FAM13B: variants seen among roughly 807,000 people sequenced by gnomAD.
The protein encoded by FAM13B is family with sequence similarity 13 member B.
Under a neutral mutation model 117.3 loss-of-function variants are expected in FAM13B, and 60 were observed. The ratio of observed to expected loss-of-function variants is 0.51; its 90% CI spans 0.42 to 0.63. The LOEUF is 0.63. FAM13B is among the 30% of genes least tolerant of loss of function. The pLI, the probability that FAM13B is intolerant of heterozygous loss-of-function variation, is 0.00. For synonymous variants in FAM13B, 332 were observed against 356.1 expected (o/e 0.93, Z 0.76); for missense variants, 972 against 1,091.9 (o/e 0.89, Z 1.55).
At chr5:138,028,756 G>A (rs1213070825) in intron 1 of FAM13B, among the ~76,000 whole-genome samples, 1 of 152,204 alleles carries the variant, frequency 6.6e-6, no homozygotes, top group Non-Finnish European at 1.5e-5. Context: ...AGTGGCTCAC[G>A]CCTATAAATG....
chr5:137,984,086 C>T (rs62381757), intron 10 of FAM13B, among the ~76,000 whole-genome samples: 3,614 of 152,204 alleles, frequency 0.024, 61 homozygotes, highest in Non-Finnish European at 0.038. Flanking sequence ...GTGACAGTGA[C>T]AATAATTTAG....
chr5:137,970,696 G>A (rs907767507), intron 10 of FAM13B, among the ~76,000 whole-genome samples: 4 of 152,174 alleles, frequency 2.6e-5, no homozygotes, highest in Non-Finnish European at 5.9e-5. Context: ...ACCCATCAGT[G>A]TGCTGTATTC....
intron 12 of FAM13B, 145 bp from the exon 13 acceptor site, chr5:137,959,908 A>G: frequency 1.3e-6 from 1 of 760,604 alleles, no homozygotes; most frequent in Non-Finnish European, 2.1e-6. Flanking sequence ...TGTGCAAACT[A>G]TTTTCAAATA....
At chr5:138,036,355 A>G (rs1435390979), upstream of FAM13B, 4 of 456,112 alleles carry the variant, frequency 8.8e-6, no homozygotes, top group Admixed American at 4.7e-5. Flanking sequence ...GGAAGCTCTC[A>G]GGCACCTCTT....
chr5:138,004,296 TA>T (rs1217629745), intron 7 of FAM13B, among the ~76,000 whole-genome samples: 4 of 151,618 alleles, frequency 2.6e-5, no homozygotes, highest in Non-Finnish European at 5.9e-5. Context: ...TGACAACCAC[TA>T]AATCTCCAAT....
intron 10 of FAM13B, among the ~76,000 whole-genome samples, chr5:137,969,648 G>A (rs1034574953): frequency 1.6e-4 from 25 of 152,178 alleles, no homozygotes; most frequent in Middle Eastern, 3.2e-3. Context: ...GGCTTCAGAC[G>A]ATCAAACTAC....
intron 1 of FAM13B, among the ~76,000 whole-genome samples, chr5:138,032,168 A>G (rs981315509): frequency 1.3e-5 from 2 of 152,194 alleles, no homozygotes; most frequent in Admixed American, 6.5e-5. Flanking sequence ...CATCTAGGAA[A>G]CCAGGCGTGC....
intron 7 of FAM13B, 25 bp from the exon 8 acceptor site, chr5:137,988,340 T>C: frequency 6.4e-7 from 1 of 1,550,574 alleles, no homozygotes; most frequent in Admixed American, 2.2e-5. Context: ...AGAAATTAGC[T>C]ATAAAAATGT....
chr5:137,990,328 C>G (rs949267048), intron 7 of FAM13B, among the ~76,000 whole-genome samples: 1 of 152,198 alleles, frequency 6.6e-6, no homozygotes, highest in African/African-American at 2.4e-5. Context: ...AAATTGAACA[C>G]TCTTAGCCAT....
chr5:137,941,856 C>A, intron 23 of FAM13B, 88 bp downstream of exon 23: 1 of 1,127,302 alleles, frequency 8.9e-7, no homozygotes, highest in African/African-American at 1.6e-5. Context: ...TGCACAATTT[C>A]TAATCCCACG....
chr5:138,019,028 C>G lies in FAM13B; in HGVS notation c.84G>C (p.Leu28=). Residue 28 remains leucine (L), a synonymous_variant, in exon 3 of 24, where the codon CTG becomes CTC. Transcript: ENST00000689681. ...NKIFGIPLDE[L]QQGGHPDNEV... is the part of the protein sequence containing the mutation. ...CATTGTCTGGATGTCCTCCCTGCTG[C>G]AGCTCATCAAGTGGAATTCCAAATA... 1 of 1,613,736 alleles carries G rather than the reference C, an allele frequency of 6.2e-7. No homozygotes were observed. Among genetic ancestry groups the G allele is most frequent in the Non-Finnish European group, 8.5e-7 (1 of 1,179,882 alleles).
At chr5:137,961,057 A>T (rs1301725345) in intron 11 of FAM13B, among the ~76,000 whole-genome samples, 1 of 152,164 alleles carries the variant, frequency 6.6e-6, no homozygotes, top group Non-Finnish European at 1.5e-5. Context: ...ACAGATAATT[A>T]CCTTATTCTT....
chr5:137,946,363 A>C (rs1490528297), intron 18 of FAM13B, 52 bp from the exon 19 acceptor site: 2 of 1,234,076 alleles, frequency 1.6e-6, no homozygotes, highest in East Asian at 2.4e-5. Context: ...AAACAAAAAC[A>C]AAAAAACTCC....
rs948444651 is a variant in FAM13B at position 137,953,596 on chromosome 5, C to T, written c.1719-131G>A. The T allele has an allele frequency of 1.3e-5, 11 of 872,264 alleles. No individual in the cohort carries two copies. In the African/African-American group the frequency reaches 1.7e-4, roughly 13 times the overall value. The allele number at this position is 872,264 out of a possible 1,614,324, so 54.0% of individuals were successfully genotyped here. On this transcript the variant is annotated intron_variant, in intron 15 of 23. Transcript: ENST00000689681. ...AAAATAAGTCCCTAACACTAAAGGA[C>T]AGGTAGTATAAAGAAACACTGTAAT...
intron 6 of FAM13B, among the ~76,000 whole-genome samples, chr5:138,009,531 G>A (rs1223228256): frequency 6.6e-6 from 1 of 152,098 alleles, no homozygotes; most frequent in Non-Finnish European, 1.5e-5. Flanking sequence ...GGGACCAGGT[G>A]CAGTGGCTCA....
At chr5:138,032,558 AC>A (rs1050554169) in intron 1 of FAM13B, among the ~76,000 whole-genome samples, 4 of 151,720 alleles carry the variant, frequency 2.6e-5, no homozygotes, top group Non-Finnish European at 2.9e-5. Flanking sequence ...AGGCTGCCAC[AC>A]CCCCCGGCAG....
chr5:137,945,575 G>A (rs1023258257), intron 20 of FAM13B, among the ~76,000 whole-genome samples: 1 of 152,188 alleles, frequency 6.6e-6, no homozygotes, highest in Admixed American at 6.5e-5. Flanking sequence ...TTCTGCTTCT[G>A]TCACTTACAA....
upstream of FAM13B, among the ~76,000 whole-genome samples, chr5:138,038,083 T>C (rs933414443): frequency 3.9e-5 from 6 of 152,198 alleles, no homozygotes; most frequent in African/African-American, 1.4e-4. Context: ...AACCTGAAAA[T>C]GTCTTGCTTT....
At chr5:137,942,073 G>A (rs1762004696) in intron 22 of FAM13B, 28 bp from the exon 23 acceptor site, 1 of 1,536,760 alleles carries the variant, frequency 6.5e-7, no homozygotes, top group Non-Finnish European at 9.0e-7. Flanking sequence ...AAATACTGAA[G>A]GGCACACTTG....
Sources: allele counts gnomAD v4.1 joint callset (sites outside exome capture counted in the v4.1 genomes callset), GRCh38; gene constraint gnomAD v4.1.1; transcripts MANE v1.5; gene names NCBI Gene and HGNC (gene_info 2026-07-23, HGNC 2026-07-21).